Variants in DNMBP observed in about 807,000 individuals in gnomAD.
DNMBP encodes dynamin binding protein, also known as dynamin-binding protein.
Under a neutral mutation model 150.0 loss-of-function variants are expected in DNMBP, and 87 were observed. That is an observed-to-expected ratio of 0.58 (90% CI 0.49 to 0.69). The LOEUF is 0.69. Ranked by LOEUF, DNMBP falls within the 30% of genes least tolerant of loss-of-function variation. The probability of loss-of-function intolerance (pLI) is 0.00; values close to 1 mark genes in which losing one functional copy is unlikely to be tolerated. For missense variants in DNMBP, 1,774 were observed against 1,949.0 expected, an observed-to-expected ratio of 0.91 and a Z score of 1.69; for synonymous variants, 711 against 750.4, an observed-to-expected ratio of 0.95 and a Z score of 0.86.
intron 15 of DNMBP, 98 bp from the exon 16 acceptor site, chr10:99,880,459 T>G (rs1447531185): frequency 7.1e-7 from 1 of 1,402,514 alleles, no homozygotes; most frequent in Non-Finnish European, 9.3e-7. Context: ...AGGTTATTCA[T>G]CTGTAAAATG....
intron 7 of DNMBP, among the ~76,000 whole-genome samples, chr10:99,899,205 AT>A (rs1222317168): frequency 1.3e-5 from 2 of 152,130 alleles, no homozygotes; most frequent in East Asian, 1.9e-4. Flanking sequence ...AAATAAAAAA[AT>A]AATAAAAAAT....
In DNMBP at chr10:99,956,237, A is replaced by G; in HGVS notation, c.1237T>C (p.Ser413Pro). 1 of 1,613,732 alleles carries G rather than the reference A, an allele frequency of 6.2e-7. No individual in the cohort carries two copies. The highest frequency in any genetic ancestry group is 8.5e-7 in the Non-Finnish European group (1 of 1,179,978). ...SDPTEVVNGI[S>P]SQPQVPFHPN... ...TGAAAAGGGACCTGAGGTTGGGAGG[A>G]AATACCATTGACTACTTCTGTAGGG... The change falls in exon 4 of 17, where the codon TCC (serine) becomes CCC (proline). Residue 413 changes from serine (S) to proline (P), a missense_variant. Physicochemically the swap from Ser to Pro is moderately conservative, Grantham distance 74. Transcript: ENST00000324109.
chr10:99,883,950 T>G, intron 15 of DNMBP, 61 bp downstream of exon 15: 2 of 1,514,216 alleles, frequency 1.3e-6, no homozygotes, highest in South Asian at 2.4e-5. Context: ...CAGATTCGGG[T>G]GCAGCCAAAA....
At chr10:99,893,965 AC>A (rs1724560385) in intron 11 of DNMBP, among the ~76,000 whole-genome samples, 1 of 152,080 alleles carries the variant, frequency 6.6e-6, no homozygotes, top group Admixed American at 6.6e-5. Context: ...CAGTTTAAAA[AC>A]TTTTTTTTTA....
At chr10:99,939,131 AAG>A (rs2040266915) in intron 4 of DNMBP, among the ~76,000 whole-genome samples, 1 of 152,104 alleles carries the variant, frequency 6.6e-6, no homozygotes, top group Admixed American at 6.6e-5. Context: ...CAAAAAAAAA[AAG>A]AGCAAGAATA....
chr10:99,972,000 C>T lies in DNMBP; in HGVS notation c.125G>A (p.Gly42Glu). Residue 42 changes from glycine (G) to glutamate (E), a missense_variant, in exon 2 of 17, where the codon GGA becomes GAA. By Grantham distance (98) the Gly-to-Glu change is moderately conservative (BLOSUM62 -2). Around this residue, in one of 2 missense-constraint regions of DNMBP, gnomAD observed 344 missense variants for 456.6 expected, o/e 0.75. Coordinates refer to ENST00000324109, the MANE Select transcript of DNMBP (RefSeq NM_015221.4). The stretch of plus-strand genomic sequence containing the variant: ...CTTACCTGTAACATCCTCCTTCTTT[C>T]CTAGAAGCCAAAATTCATCCACCAC... ...LAVVDEFWLL[G>E]KKEDVTGQFP... 1 of 1,613,748 alleles carries T rather than the reference C, an allele frequency of 6.2e-7. No individual in the cohort carries two copies. The highest frequency in any genetic ancestry group is 8.5e-7 in the Non-Finnish European group (1 of 1,179,926).
chr10:99,881,133 C>T (rs1361764010), intron 15 of DNMBP, among the ~76,000 whole-genome samples: 2 of 152,080 alleles, frequency 1.3e-5, no homozygotes, highest in Non-Finnish European at 2.9e-5. Flanking sequence ...GAGGCTAAGG[C>T]AGGAGAATCG....
At chr10:99,915,404 TA>T (rs11464815) in intron 4 of DNMBP, among the ~76,000 whole-genome samples, 36 of 144,598 alleles carry the variant, frequency 2.5e-4, no homozygotes, top group Non-Finnish European at 2.6e-4. Context: ...ACAAAATAAT[TA>T]AAAAAAAAAA....
At chr10:99,938,901 C>G (rs1190348919) in intron 4 of DNMBP, among the ~76,000 whole-genome samples, 1 of 152,208 alleles carries the variant, frequency 6.6e-6, no homozygotes, top group Non-Finnish European at 1.5e-5. Flanking sequence ...ACAACAGTCA[C>G]ACTCCACTGG....
rs773216298 is a variant in DNMBP, at chr10:99,972,148, T to C, written c.-10-14A>G. On this transcript the variant is annotated splice_polypyrimidine_tract_variant and intron_variant, in intron 1 of 16. Coordinates refer to ENST00000324109, the MANE Select transcript of DNMBP (RefSeq NM_015221.4). Reference sequence around the variant, plus strand: ...ATGTTTTATAACCTGGAAAGATAGATCAAGAGAAATAGAAAACATCAATAT... The same window carrying C: ...ATGTTTTATAACCTGGAAAGATAGACCAAGAGAAATAGAAAACATCAATAT... The C allele has an allele frequency of 1.1e-5, 17 of 1,597,286 alleles. No homozygotes were observed. In the East Asian group the frequency reaches 3.8e-4, roughly 36 times the overall value.
chr10:99,993,969 T>G lies in DNMBP; in HGVS notation c.-11+15869A>C, dbSNP rs926631219. Reference sequence around the variant, plus strand: ...AATGTTTTAATAGATACTTTAAACTTGTGTTTTATGCCTGTTATAGGATGG... The same window carrying G: ...AATGTTTTAATAGATACTTTAAACTGGTGTTTTATGCCTGTTATAGGATGG... On this transcript the variant is annotated intron_variant, in intron 1 of 16. Transcript: ENST00000324109. Among the ~76,000 whole-genome samples, 6 of 152,208 alleles carry G rather than the reference T, an allele frequency of 3.9e-5. No homozygotes were observed. In the East Asian group the frequency reaches 7.7e-4, roughly 20 times the overall value.
At chr10:99,990,852 C>CACAT (rs1343093884) in intron 1 of DNMBP, among the ~76,000 whole-genome samples, 2 of 144,726 alleles carry the variant, frequency 1.4e-5, no homozygotes, top group African/African-American at 5.1e-5. Flanking sequence ...CACACACACA[C>CACAT]ATATATATAT....
At chr10:99,993,754 G>T (rs567251138) in intron 1 of DNMBP, among the ~76,000 whole-genome samples, 8 of 152,190 alleles carry the variant, frequency 5.3e-5, no homozygotes. Context: ...AGTGAGCTGT[G>T]ATCATGCCAC....
At chr10:99,879,777 C>T in intron 16 of DNMBP, 34 bp downstream of exon 16, 1 of 1,608,294 alleles carries the variant, frequency 6.2e-7, no homozygotes, top group Non-Finnish European at 8.5e-7. Context: ...CTGCTGCCGC[C>T]TGTGCCACAG....
At chr10:99,892,807 A>G (rs769335097) in intron 11 of DNMBP, among the ~76,000 whole-genome samples, 1 of 152,254 alleles carries the variant, frequency 6.6e-6, no homozygotes, top group Non-Finnish European at 1.5e-5. Context: ...TAAATGTTGG[A>G]ACAGCAAAGT....
chr10:99,920,840 C>A (rs2040014891), intron 4 of DNMBP, among the ~76,000 whole-genome samples: 1 of 152,084 alleles, frequency 6.6e-6, no homozygotes, highest in Non-Finnish European at 1.5e-5. Context: ...CCACCACGCC[C>A]AGTTATTTTT....
chr10:99,993,852 T>C (rs7916236), intron 1 of DNMBP, among the ~76,000 whole-genome samples: 71,024 of 151,992 alleles, frequency 0.47, 17,616 homozygotes, highest in African/African-American at 0.63. Context: ...TACATGAATA[T>C]TCTGCCTTGA....
intron 3 of DNMBP, among the ~76,000 whole-genome samples, chr10:99,966,829 G>A (rs1054211162): frequency 2.0e-5 from 3 of 151,886 alleles, no homozygotes; most frequent in African/African-American, 7.3e-5. Context: ...TGCCCAAGCT[G>A]GAGTGTAGTG....
At chr10:99,907,851 A>G (rs2039845366) in intron 6 of DNMBP, 144 bp downstream of exon 6, 1 of 611,464 alleles carries the variant, frequency 1.6e-6, no homozygotes, top group African/African-American at 1.8e-5. Flanking sequence ...ACAGAAGGAA[A>G]GCAGAGGACA....
Sources: allele counts gnomAD v4.1 joint callset (sites outside exome capture counted in the v4.1 genomes callset), GRCh38; gene constraint gnomAD v4.1.1; regional missense constraint gnomAD v4.1.1; transcripts MANE v1.5; gene names NCBI Gene and HGNC (gene_info 2026-07-23, HGNC 2026-07-21).